Variants in EPG5 observed in about 807,000 individuals in gnomAD.
EPG5 encodes the protein ectopic P-granules 5 autophagy tethering factor.
In EPG5, 159 loss-of-function variants were observed where a neutral mutation model predicts 302.7. That is an observed-to-expected ratio of 0.53 (90% confidence interval 0.46 to 0.60). The LOEUF (loss-of-function observed/expected upper bound fraction) is 0.60. Among genes scored for constraint, EPG5 ranks in the 20% least tolerant of loss-of-function variants. EPG5 has a pLI of 0.00. For missense variants in EPG5, 2,896 were observed against 3,092.4 expected, an observed-to-expected ratio of 0.94 and a Z score of 1.51; for synonymous variants, 1,158 against 1,136.8, an observed-to-expected ratio of 1.02 and a Z score of -0.37.
At chr18:45,965,973 A>C (rs1157637469) in intron 1 of EPG5, among the ~76,000 whole-genome samples, 2 of 151,806 alleles carry the variant, frequency 1.3e-5, no homozygotes. Flanking sequence ...GAGTCGCTTG[A>C]ACCCGGGAGG....
At chr18:45,873,392 C>A (rs867727510) in intron 35 of EPG5, among the ~76,000 whole-genome samples, 1 of 152,066 alleles carries the variant, frequency 6.6e-6, no homozygotes, top group Non-Finnish European at 1.5e-5. Context: ...CGCCTGTAGT[C>A]CCAGCTACTC....
At chr18:45,838,696 T>TCACC in the EPG5 span, 1 of 1,547,508 alleles carries the variant, frequency 6.5e-7, no homozygotes, top group Non-Finnish European at 8.6e-7. Context: ...CTTGTGACAG[T>TCACC]CACCCGCCTT....
chr18:45,913,636 A>G (rs888269438), intron 21 of EPG5, 70 bp downstream of exon 21: 75 of 1,572,390 alleles, frequency 4.8e-5, no homozygotes, highest in Non-Finnish European at 6.2e-5. Context: ...CTCAAAAGCT[A>G]CGGGTGAATC....
At position 45,911,110 on chromosome 18, in the gene EPG5, C is replaced by CACATAT. The variant is rs1491456763; in HGVS notation, c.3984-369_3984-368insATATGT. ...ACACACACACACACACACACACACA[C>CACATAT]ATATATATATATATATACATTTTTT... On this transcript the variant is annotated intron_variant, in intron 22 of 43. Coordinates refer to ENST00000282041, the MANE Select transcript of EPG5 (RefSeq NM_020964.3). Among the ~76,000 whole-genome samples the CACATAT allele has an allele frequency of 3.3e-3, 426 of 127,942 alleles. 3 individuals carry two copies. Among genetic ancestry groups the CACATAT allele is most frequent in the African/African-American group, 9.5e-3 (319 of 33,462 alleles). 83.9% of individuals were successfully genotyped at this position (127,942 alleles called of 152,430 possible).
intron 24 of EPG5, among the ~76,000 whole-genome samples, chr18:45,906,148 C>T (rs965928297): frequency 2.2e-4 from 34 of 152,154 alleles, no homozygotes; most frequent in Non-Finnish European, 3.2e-4. Flanking sequence ...AGAGAGCTCT[C>T]GTTGAAGCCC....
chr18:45,829,049 C>A, the EPG5 span: 1 of 976,166 alleles, frequency 1.0e-6, no homozygotes, highest in Non-Finnish European at 1.2e-6. Flanking sequence ...GAGCAGGGAT[C>A]ACTATGGAGG....
the EPG5 span, among the ~76,000 whole-genome samples, chr18:45,840,442 C>T: frequency 1.5e-4 from 23 of 152,304 alleles, no homozygotes; most frequent in South Asian, 4.4e-3. Context: ...GACCAAGCCT[C>T]GCTGACCTGC....
chr18:45,889,798 G>C lies in EPG5; in HGVS notation c.4952C>G (p.Thr1651Arg). 1 of 1,597,384 alleles carries C rather than the reference G, an allele frequency of 6.3e-7. No homozygotes were observed. The highest frequency in any genetic ancestry group is 1.1e-5 in the South Asian group (1 of 88,498). Reference protein sequence around the residue: ...EAAVHAENLITALVNAYKLQP... With the variant: ...EAAVHAENLIRALVNAYKLQP... Reference sequence around the variant, plus strand: ...AAATTATAATGCCTGCAAAACTTACGTGATCAAGTTTTCTGCATGTACAGC... The same window carrying C: ...AAATTATAATGCCTGCAAAACTTACCTGATCAAGTTTTCTGCATGTACAGC... The change falls in exon 28 of 44, where the codon ACG becomes AGG. Residue 1651 changes from threonine to arginine, a missense_variant and splice_region_variant. Coordinates refer to ENST00000282041, the MANE Select transcript of EPG5 (RefSeq NM_020964.3).
chr18:45,871,971 G>A (rs1041760244), intron 35 of EPG5, among the ~76,000 whole-genome samples: 32 of 152,166 alleles, frequency 2.1e-4, no homozygotes, highest in African/African-American at 7.7e-4. Context: ...GGTAAGCAAG[G>A]TGATGGATAT....
Position 45,912,673 on chromosome 18 carries a change from A to C in EPG5, c.3817-217T>G, listed in dbSNP as rs116260722. ...TAGGGCAGCTTTTTATTCTGTCAAAACACTTCACAGACCCCAAAATGGGTA... is the reference window on the plus strand; with the variant it reads ...TAGGGCAGCTTTTTATTCTGTCAAACCACTTCACAGACCCCAAAATGGGTA... On this transcript the variant is annotated intron_variant, in intron 21 of 43. Transcript: ENST00000282041. Among the ~76,000 whole-genome samples the C allele has an allele frequency of 5.2e-3, 799 of 152,312 alleles. 6 individuals are homozygous for C. The highest frequency in any genetic ancestry group is 0.018 in the African/African-American group (744 of 41,568).
chr18:45,813,098 G>A, the EPG5 span, among the ~76,000 whole-genome samples: 437 of 152,286 alleles, frequency 2.9e-3, no homozygotes, highest in African/African-American at 0.01. Context: ...ATCAAAAAGT[G>A]AGCAAAGGAT....
At chr18:45,806,353 T>G in the EPG5 span, among the ~76,000 whole-genome samples, 1 of 152,148 alleles carries the variant, frequency 6.6e-6, no homozygotes, top group African/African-American at 2.4e-5. Flanking sequence ...GAGGCAGGAC[T>G]AGATTGCAGT....
chr18:45,867,442 T>A (rs916578648), intron 37 of EPG5, 121 bp downstream of exon 37: 2 of 772,132 alleles, frequency 2.6e-6, no homozygotes, highest in African/African-American at 1.7e-5. Context: ...ACATCTCATA[T>A]GCCAAGCATC....
the EPG5 span, among the ~76,000 whole-genome samples, chr18:45,822,321 T>C: frequency 1.3e-5 from 2 of 152,198 alleles, no homozygotes; most frequent in Non-Finnish European, 2.9e-5. Context: ...TTCTCACTCG[T>C]ATGCAGAAGA....
chr18:45,831,912 G>A, the EPG5 span, among the ~76,000 whole-genome samples: 4 of 152,106 alleles, frequency 2.6e-5, no homozygotes, highest in Non-Finnish European at 4.4e-5. Context: ...TAATTTTTGT[G>A]TTTTTAGTAG....
intron 11 of EPG5, among the ~76,000 whole-genome samples, chr18:45,932,753 C>G (rs748265268): frequency 1.3e-5 from 2 of 152,148 alleles, no homozygotes; most frequent in Non-Finnish European, 2.9e-5. Flanking sequence ...GCAGATGAAA[C>G]TTCTCTACTG....
At chr18:45,963,335 C>T (rs1223467611) in intron 1 of EPG5, among the ~76,000 whole-genome samples, 1 of 152,180 alleles carries the variant, frequency 6.6e-6, no homozygotes, top group East Asian at 1.9e-4. Flanking sequence ...GAGGAAACAA[C>T]ATGGGCAAAG....
the EPG5 span, chr18:45,842,294 C>G: frequency 7.9e-7 from 1 of 1,269,854 alleles, no homozygotes; most frequent in South Asian, 1.2e-5. Flanking sequence ...TTGGCAGCCC[C>G]CAGCTGGGTG....
At chr18:45,816,324 C>T in the EPG5 span, among the ~76,000 whole-genome samples, 5 of 151,904 alleles carry the variant, frequency 3.3e-5, no homozygotes, top group Admixed American at 3.3e-4. Context: ...CAAAAGGTAT[C>T]GTCAGCAGAG....
Sources: gnomAD v4.1 joint callset for allele counts (sites outside exome capture counted in the v4.1 genomes callset) on GRCh38, gnomAD v4.1.1 for gene constraint, MANE v1.5 for transcripts, NCBI Gene and HGNC (gene_info 2026-07-23, HGNC 2026-07-21) for gene names.